SSH3: variants seen among roughly 807,000 people sequenced by gnomAD.
SSH3 encodes the protein slingshot protein phosphatase 3.
Under a neutral mutation model 75.0 loss-of-function variants are expected in SSH3, and 67 were observed. The ratio of observed to expected loss-of-function variants is 0.89; its 90% CI spans 0.73 to 1.10. The LOEUF (loss-of-function observed/expected upper bound fraction) is 1.10. Among genes scored for constraint, SSH3 ranks in the 50% least tolerant of loss-of-function variants. The pLI is 0.00. For synonymous variants in SSH3, 318 were observed against 349.2 expected (o/e 0.91, Z 1.00); for missense variants, 824 against 872.7 (o/e 0.94, Z 0.70).
chr11:67,304,738 T>G lies in SSH3; in HGVS notation c.105-35T>G, dbSNP rs890085964. On this transcript the variant is annotated intron_variant, in intron 2 of 13. Transcript: ENST00000308127. Reference sequence around the variant, plus strand: ...TTGAGAGCCCCTACCCTAAGGGGAATGAGGAGCCATGACAGTTGCCCACTG... The same window carrying G: ...TTGAGAGCCCCTACCCTAAGGGGAAGGAGGAGCCATGACAGTTGCCCACTG... 10 of 1,561,318 alleles carry G rather than the reference T, an allele frequency of 6.4e-6. No homozygotes were observed. In the African/African-American group the frequency reaches 8.1e-5, roughly 13 times the overall value.
intron 13 of SSH3, 44 bp from the exon 14 acceptor site, chr11:67,311,547 C>G: frequency 6.2e-7 from 1 of 1,608,994 alleles, no homozygotes; most frequent in African/African-American, 1.3e-5. Context: ...CACCCCTGCC[C>G]CAGAAAGGCC....
intron 13 of SSH3, among the ~76,000 whole-genome samples, chr11:67,310,595 C>T (rs565052097): frequency 3.4e-4 from 52 of 152,322 alleles, no homozygotes; most frequent in African/African-American, 1.2e-3. Flanking sequence ...GGACCAGCCA[C>T]GTCCTGGGCC....
intron 13 of SSH3, among the ~76,000 whole-genome samples, chr11:67,310,762 C>T (rs1025834420): frequency 6.6e-6 from 1 of 152,170 alleles, no homozygotes; most frequent in Non-Finnish European, 1.5e-5. Context: ...AGCCTGACCA[C>T]AGGACTAGCT....
Position 67,306,883 on chromosome 11 carries a change from C to A in SSH3, c.385C>A (p.Leu129Met), listed in dbSNP as rs1442776850. The change falls in exon 4 of 14, where the codon CTG becomes ATG. Residue 129 changes from leucine to methionine, a missense_variant. Transcript: ENST00000308127. ...CCGGCCTCCCCGGCTCCGCTACCTGCTGGTAGTTTCTACACGAGAAGGAGA... is the reference window on the plus strand; with the variant it reads ...CCGGCCTCCCCGGCTCCGCTACCTGATGGTAGTTTCTACACGAGAAGGAGA... The part of the protein sequence containing the change: ...APRPPRLRYL[L>M]VVSTREGEGL... 6.2e-7 allele frequency: 1 copy of A among 1,613,646 alleles called. No homozygotes were observed. Among genetic ancestry groups the A allele is most frequent in the Non-Finnish European group, 8.5e-7 (1 of 1,179,690 alleles).
chr11:67,310,935 G>C (rs925280295), intron 13 of SSH3, among the ~76,000 whole-genome samples: 6 of 152,216 alleles, frequency 3.9e-5, no homozygotes, highest in African/African-American at 1.4e-4. Context: ...AGGAGTCTGC[G>C]CACTCACGCC....
chr11:67,311,500 C>T (rs1861414622), intron 13 of SSH3, 91 bp from the exon 14 acceptor site: 1 of 1,518,034 alleles, frequency 6.6e-7, no homozygotes, highest in Non-Finnish European at 9.0e-7. Context: ...CTGTGCTTGG[C>T]ACCCCTGCCC....
Position 67,307,470 on chromosome 11 carries a change from C to G in SSH3, c.602+34C>G, listed in dbSNP as rs1473380720. On this transcript the variant is annotated intron_variant, in intron 6 of 13. Transcript: ENST00000308127. This position sits in a 1 kb window ranked among gnomAD's most constrained non-coding sequence, Gnocchi z 4.2. ...AGAGACTGCCTGGACTCAGGCCAGC[C>G]TCTCCTTCGAAGGAGGCTGCAGGGC... 1 of 1,613,818 alleles carries G rather than the reference C, an allele frequency of 6.2e-7. No homozygotes were observed. Among genetic ancestry groups the G allele is most frequent in the Non-Finnish European group, 8.5e-7 (1 of 1,179,962 alleles).
In SSH3 at chr11:67,309,863, G is replaced by C. The variant is rs1419193432; in HGVS notation, c.1304G>C (p.Ser435Thr). 1 of 1,612,910 alleles carries C rather than the reference G, an allele frequency of 6.2e-7. No homozygotes were observed. The highest frequency in any genetic ancestry group is 1.3e-5 in the African/African-American group (1 of 74,960). The change falls in exon 12 of 14, where the codon AGC (serine) becomes ACC (threonine). Residue 435 changes from serine to threonine, a missense_variant. By Grantham distance (58) the Ser-to-Thr change is moderately conservative. Transcript: ENST00000308127. ...TATGCCATGAAGCAGTACGAATGCA[G>C]CCTGGAGCAGGCCCTGCGCCACGTG... ...LAYAMKQYEC[S>T]LEQALRHVQE... is the part of the protein sequence containing the mutation.
At chr11:67,306,508 G>A (rs957333226) in intron 3 of SSH3, among the ~76,000 whole-genome samples, 2 of 152,078 alleles carry the variant, frequency 1.3e-5, no homozygotes, top group Non-Finnish European at 2.9e-5. Context: ...GGCTAAGGTG[G>A]GAGGATCATG....
At chr11:67,304,419 G>C (rs1039250519) in intron 2 of SSH3, among the ~76,000 whole-genome samples, 5 of 152,202 alleles carry the variant, frequency 3.3e-5, no homozygotes, top group Non-Finnish European at 5.9e-5. Context: ...CGGGCCGAAC[G>C]GCAGGAGGGC....
chr11:67,309,312 C>T (rs1488271840), intron 10 of SSH3, 85 bp from the exon 11 acceptor site: 67 of 1,553,912 alleles, frequency 4.3e-5, no homozygotes, highest in African/African-American at 8.1e-5. Context: ...AGAGCTAAAG[C>T]GAGGCCCAGG....
chr11:67,309,850 C>T lies in SSH3; in HGVS notation c.1291C>T (p.Gln431Ter). The change falls in exon 12 of 14, where the codon CAG becomes TAG. Residue 431 changes from glutamine to a stop codon, truncating the protein, a stop_gained. Coordinates refer to ENST00000308127, the MANE Select transcript of SSH3 (RefSeq NM_017857.4). LOFTEE classifies it high-confidence loss of function. Reference protein sequence around the residue: ...AATVLAYAMKQYECSLEQALR... With the variant: ...AATVLAYAMK ...CACAGTGCTGGCCTATGCCATGAAGCAGTACGAATGCAGCCTGGAGCAGGC... is the reference window on the plus strand; with the variant it reads ...CACAGTGCTGGCCTATGCCATGAAGTAGTACGAATGCAGCCTGGAGCAGGC... The T allele has an allele frequency of 6.2e-7, 1 of 1,613,316 alleles. No individual in the cohort carries two copies. The highest frequency in any genetic ancestry group is 8.5e-7 in the Non-Finnish European group (1 of 1,180,044).
Position 67,307,970 on chromosome 11 carries a change from T to G in SSH3, c.885+31T>G. On this transcript the variant is annotated intron_variant, in intron 8 of 13. Coordinates refer to ENST00000308127, the MANE Select transcript of SSH3 (RefSeq NM_017857.4). This position sits in a 1 kb window ranked among gnomAD's most constrained non-coding sequence, Gnocchi z 4.2. ...CAGGGGGCCCGGGGACTGAGTCCCC[T>G]CTAGCAGGGGCTGCAAGCTTGCCTT... 6.2e-7 allele frequency: 1 copy of G among 1,612,614 alleles called. No homozygotes were observed. The highest frequency in any genetic ancestry group is 8.5e-7 in the Non-Finnish European group (1 of 1,178,852).
At chr11:67,310,974 T>TGATGC (rs1211502757) in intron 13 of SSH3, among the ~76,000 whole-genome samples, 2 of 152,158 alleles carry the variant, frequency 1.3e-5, no homozygotes, top group African/African-American at 4.8e-5. Context: ...TCAGCACCCT[T>TGATGC]GATGCTCAGT....
At chr11:67,306,211 C>T (rs1377948903) in intron 3 of SSH3, among the ~76,000 whole-genome samples, 2 of 151,842 alleles carry the variant, frequency 1.3e-5, no homozygotes, top group Non-Finnish European at 2.9e-5. Flanking sequence ...ATGGCGTGAA[C>T]CCGGGAGATG....
chr11:67,310,290 A>G lies in SSH3; in HGVS notation c.1634A>G (p.Glu545Gly). 6.2e-7 allele frequency: 1 copy of G among 1,613,980 alleles called. No homozygotes were observed. Among genetic ancestry groups the G allele is most frequent in the Non-Finnish European group, 8.5e-7 (1 of 1,179,900 alleles). ...RGVMRSISLL[E>G]PSLELESTSE... ...GTCATGAGGTCCATCAGTCTTCTGG[A>G]GCCCTCCTTGGAGCTGGAGAGCACC... is the stretch of plus-strand genomic sequence containing the variant. The change falls in exon 13 of 14, where the codon GAG becomes GGG. Residue 545 changes from glutamate (E) to glycine (G), a missense_variant. Transcript: ENST00000308127.
chr11:67,304,295 C>A, intron 2 of SSH3, 140 bp downstream of exon 2: 1 of 691,988 alleles, frequency 1.4e-6, no homozygotes, highest in East Asian at 3.0e-5. Context: ...GGGCAGCGTT[C>A]CCGGTGGGGC....
At position 67,311,634 on chromosome 11, in the gene SSH3, C is replaced by T; in HGVS notation, c.1727C>T (p.Pro576Leu). The T allele has an allele frequency of 6.2e-7, 1 of 1,614,116 alleles. No individual in the cohort carries two copies. Among genetic ancestry groups the T allele is most frequent in the Non-Finnish European group, 8.5e-7 (1 of 1,180,022 alleles). ...HESSHEEPLQ[P>L]FPQLARTKGG... ...TCTTCACATGAAGAGCCTCTGCAGCCCTTCCCACAGCTTGCAAGGACCAAG... is the reference window on the plus strand; with the variant it reads ...TCTTCACATGAAGAGCCTCTGCAGCTCTTCCCACAGCTTGCAAGGACCAAG... Residue 576 changes from proline (P) to leucine (L), a missense_variant, in exon 14 of 14, where the codon CCC (proline) becomes CTC (leucine). Transcript: ENST00000308127.
chr11:67,308,300 CTGG>C lies in SSH3; in HGVS notation c.1014+1_1014+3del. 1 of 1,614,142 alleles carries C rather than the reference CTGG, an allele frequency of 6.2e-7. No homozygotes were observed. The highest frequency in any genetic ancestry group is 8.5e-7 in the Non-Finnish European group (1 of 1,180,014). On this transcript the variant is annotated splice_donor_variant and coding_sequence_variant, in exon 9 of 14. Coordinates refer to ENST00000308127, the MANE Select transcript of SSH3 (RefSeq NM_017857.4). The surrounding 1 kb of genome is among the most constrained non-coding windows in gnomAD (Gnocchi z 4.9). ...CTCCCGCATCTTCCCCCACCTCTAC[CTGG>C]TGAGCTTCAGCCAGGCCTGGGCCAT...
Sources: allele counts gnomAD v4.1 joint callset (sites outside exome capture counted in the v4.1 genomes callset), GRCh38; gene constraint gnomAD v4.1.1; non-coding constraint Gnocchi (gnomAD v3.1); transcripts MANE v1.5; gene names NCBI Gene and HGNC (gene_info 2026-07-23, HGNC 2026-07-21).